MAF: variants seen among roughly 807,000 people sequenced by gnomAD.
MAF encodes transcription factor Maf.
MAF carries 10 observed loss-of-function variants against 22.0 expected under a neutral mutation model. The observed-to-expected ratio is 0.45, with a 90% confidence interval of 0.28 to 0.77. The LOEUF (loss-of-function observed/expected upper bound fraction) is 0.77, where lower values mean the gene tolerates loss of function less well. Among genes scored for constraint, MAF ranks in the 30% least tolerant of loss-of-function variants. MAF has a pLI of 0.12. For synonymous variants in MAF, 337 were observed against 255.8 expected, an observed-to-expected ratio of 1.32 and a Z score of -3.03; for missense variants, 544 against 548.4, an observed-to-expected ratio of 0.99 and a Z score of 0.08.
At chr16:79,532,883 G>C in the MAF span, among the ~76,000 whole-genome samples, 2 of 152,164 alleles carry the variant, frequency 1.3e-5, no homozygotes, top group African/African-American at 2.4e-5. Flanking sequence ...TGCCAGCTTT[G>C]CACAGTTAAA....
the MAF span, among the ~76,000 whole-genome samples, chr16:79,295,682 G>A: frequency 1.5e-4 from 23 of 152,212 alleles, no homozygotes; most frequent in African/African-American, 2.7e-4. Context: ...ACATATTCTC[G>A]TTGGAGAAGG....
At chr16:79,517,973 T>A in the MAF span, among the ~76,000 whole-genome samples, 142,765 of 152,232 alleles carry the variant, frequency 0.94, 67,667 homozygotes, top group East Asian at 1. Context: ...CTCTGCTTCT[T>A]TTGTCTGGAA....
At chr16:79,244,178 T>C in the MAF span, among the ~76,000 whole-genome samples, 2 of 152,066 alleles carry the variant, frequency 1.3e-5, no homozygotes, top group South Asian at 2.1e-4. Flanking sequence ...ACCTCTCTCA[T>C]TGCTCCTATT....
the MAF span, among the ~76,000 whole-genome samples, chr16:79,514,435 G>A: frequency 6.6e-6 from 1 of 152,192 alleles, no homozygotes; most frequent in Non-Finnish European, 1.5e-5. Context: ...CAGAATGGGT[G>A]CAAATATAGT....
chr16:79,597,538 A>G (rs945719217), intron 1 of MAF: 1 of 1,023,076 alleles, frequency 9.8e-7, no homozygotes, highest in African/African-American at 1.7e-5. Context: ...TGTGTAACCC[A>G]TTCTGGTATC....
the MAF span, among the ~76,000 whole-genome samples, chr16:79,216,775 A>G: frequency 6.6e-6 from 1 of 151,420 alleles, no homozygotes; most frequent in Non-Finnish European, 1.5e-5. Context: ...TTTGTAGTAT[A>G]TGATTTATGT....
At chr16:79,325,323 C>T in the MAF span, among the ~76,000 whole-genome samples, 3 of 152,196 alleles carry the variant, frequency 2.0e-5, no homozygotes, top group East Asian at 1.9e-4. Flanking sequence ...GGCATTATCA[C>T]GTGCTTCCAG....
the MAF span, among the ~76,000 whole-genome samples, chr16:79,207,928 G>T: frequency 6.6e-6 from 1 of 152,128 alleles, no homozygotes; most frequent in East Asian, 1.9e-4. Context: ...ATGAAAAGCA[G>T]CTACTTAACA....
At chr16:79,568,995 T>G in the MAF span, among the ~76,000 whole-genome samples, 1 of 152,186 alleles carries the variant, frequency 6.6e-6, no homozygotes. Flanking sequence ...GTCACTAAAT[T>G]AGTCAGCTAG....
the MAF span, among the ~76,000 whole-genome samples, chr16:79,579,901 A>G: frequency 2.0e-5 from 3 of 152,326 alleles, no homozygotes; most frequent in Middle Eastern, 6.8e-3. Context: ...AGAAAGAAAC[A>G]TCTTGCAGGA....
At chr16:79,415,314 G>A in the MAF span, among the ~76,000 whole-genome samples, 59 of 151,256 alleles carry the variant, frequency 3.9e-4, no homozygotes, top group Non-Finnish European at 6.3e-4. Flanking sequence ...GAGGAAGGAC[G>A]GAAGGAGAGA....
chr16:79,326,302 G>A, the MAF span, among the ~76,000 whole-genome samples: 3 of 152,104 alleles, frequency 2.0e-5, no homozygotes, highest in African/African-American at 7.2e-5. Context: ...TACTTATCAT[G>A]ATACCTAGCA....
At chr16:79,220,782 G>A in the MAF span, among the ~76,000 whole-genome samples, 3 of 152,222 alleles carry the variant, frequency 2.0e-5, no homozygotes, top group Non-Finnish European at 2.9e-5. Context: ...TGCCTACACA[G>A]ATGGCTTTTA....
chr16:79,473,338 T>G, the MAF span, among the ~76,000 whole-genome samples: 1,926 of 152,242 alleles, frequency 0.013, 44 homozygotes, highest in South Asian at 0.066. Context: ...AATATAACAA[T>G]GATTGTTCCA....
At chr16:79,580,287 G>A in the MAF span, among the ~76,000 whole-genome samples, 4 of 152,262 alleles carry the variant, frequency 2.6e-5, no homozygotes, top group African/African-American at 7.2e-5. Context: ...AGCCTTTGTT[G>A]CCCTTAGACT....
chr16:79,480,858 G>T, the MAF span, among the ~76,000 whole-genome samples: 2 of 152,160 alleles, frequency 1.3e-5, no homozygotes, highest in South Asian at 4.1e-4. Flanking sequence ...CATCTGTTTG[G>T]ATAGGACCGT....
At chr16:79,559,970 C>T in the MAF span, among the ~76,000 whole-genome samples, 1 of 152,304 alleles carries the variant, frequency 6.6e-6, no homozygotes, top group Non-Finnish European at 1.5e-5. Flanking sequence ...GTGACACAAT[C>T]ACAGTTCGCT....
At chr16:79,407,091 G>C in the MAF span, among the ~76,000 whole-genome samples, 1 of 152,230 alleles carries the variant, frequency 6.6e-6, no homozygotes, top group Non-Finnish European at 1.5e-5. Context: ...GTTGGCACCA[G>C]GGAGGGTGTC....
chr16:79,511,233 G>C, the MAF span, among the ~76,000 whole-genome samples: 1 of 151,698 alleles, frequency 6.6e-6, no homozygotes, highest in Non-Finnish European at 1.5e-5. Context: ...ACCCCGAAAA[G>C]GAGTTTCCTT....
Sources: allele counts gnomAD v4.1 joint callset (sites outside exome capture counted in the v4.1 genomes callset), GRCh38; gene constraint gnomAD v4.1.1; transcripts MANE v1.5; gene names NCBI Gene and HGNC (gene_info 2026-07-23, HGNC 2026-07-21).